EPS8: variants seen among roughly 807,000 people sequenced by gnomAD.
The protein encoded by EPS8 is epidermal growth factor receptor kinase substrate 8.
A neutral mutation model predicts 103.8 loss-of-function variants in EPS8; 42 were observed. The ratio of observed to expected loss-of-function variants is 0.40; its 90% confidence interval spans 0.32 to 0.52. The LOEUF (loss-of-function observed/expected upper bound fraction) is 0.52. EPS8 is among the 20% of genes least tolerant of loss of function. The probability of loss-of-function intolerance (pLI) is 0.40; values close to 1 mark genes in which losing one functional copy is unlikely to be tolerated. For missense variants in EPS8, 969 were observed against 1,005.1 expected (o/e 0.96, Z 0.49); for synonymous variants, 344 against 344.6 (o/e 1.00, Z 0.02).
chr12:15,650,245 G>A (rs1945388501), intron 14 of EPS8, among the ~76,000 whole-genome samples: 1 of 152,192 alleles, frequency 6.6e-6, no homozygotes, highest in Admixed American at 6.5e-5. Flanking sequence ...GAGTGCAGAA[G>A]AACTTGGGCC....
intron 14 of EPS8, 39 bp from the exon 15 acceptor site, chr12:15,647,299 T>C (rs1945337012): frequency 1.3e-6 from 2 of 1,585,530 alleles, no homozygotes; most frequent in South Asian, 1.2e-5. Flanking sequence ...AATCACCAAA[T>C]ACTATTTGAA....
chr12:15,643,460 C>T (rs1008371301), intron 15 of EPS8, among the ~76,000 whole-genome samples: 3 of 152,100 alleles, frequency 2.0e-5, no homozygotes, highest in African/African-American at 7.2e-5. Context: ...ACTTTCTTGG[C>T]CAGGCGTGGT....
chr12:15,770,413 C>T (rs945525646), intron 1 of EPS8, among the ~76,000 whole-genome samples: 12 of 151,712 alleles, frequency 7.9e-5, no homozygotes, highest in Admixed American at 3.3e-4. Flanking sequence ...TGTGCTAAAG[C>T]GTGTTTTTGT....
intron 10 of EPS8, 40 bp from the exon 11 acceptor site, chr12:15,658,625 CAAGGA>C (rs1221613572): frequency 1.5e-6 from 2 of 1,334,304 alleles, no homozygotes; most frequent in South Asian, 1.2e-5. Flanking sequence ...GAGCAAAATC[CAAGGA>C]AATTTATTAA....
intron 8 of EPS8, among the ~76,000 whole-genome samples, chr12:15,664,473 G>A (rs1379093749): frequency 6.6e-6 from 1 of 152,064 alleles, no homozygotes; most frequent in Non-Finnish European, 1.5e-5. Context: ...TTTGTAGTAG[G>A]TACTACCATA....
At chr12:15,694,210 G>A (rs991158948) in intron 1 of EPS8, among the ~76,000 whole-genome samples, 2 of 151,952 alleles carry the variant, frequency 1.3e-5, no homozygotes, top group African/African-American at 4.8e-5. Flanking sequence ...AGGTTCAGGT[G>A]GACTATGAAA....
chr12:15,641,699 T>C lies in EPS8; in HGVS notation c.1677+23A>G, dbSNP rs760949767. 7.8e-6 allele frequency: 10 copies of C among 1,277,904 alleles called. No individual in the cohort carries two copies. The South Asian group carries it at 1.2e-4, about 16-fold the overall frequency. 79.2% of individuals were successfully genotyped at this position (1,277,904 alleles called of 1,614,324 possible). ...CAATAAAACTACTTTATTAAGAGTA[T>C]AAAAAAGAAAAAATTATATTACCTC... is the stretch of plus-strand genomic sequence containing the variant. On this transcript the variant is annotated intron_variant, in intron 16 of 20. Transcript: ENST00000281172.
intron 17 of EPS8, among the ~76,000 whole-genome samples, chr12:15,638,323 G>C (rs1261998428): frequency 1.3e-5 from 2 of 152,046 alleles, no homozygotes; most frequent in South Asian, 2.1e-4. Flanking sequence ...AATCCTTTTA[G>C]AGTAGGATTT....
rs569488967 is a variant in EPS8, at chr12:15,644,886, T to A, written c.1568+2241A>T. Among the ~76,000 whole-genome samples the A allele has an allele frequency of 4.4e-4, 67 of 152,202 alleles. 1 individual carries two copies. The East Asian group carries it at 8.3e-3, about 19-fold the overall frequency. ...CAGTTTTTCAAAATGATGACAAATG[T>A]TCTTAGCAACATAGAACATCAATGA... On this transcript the variant is annotated intron_variant, in intron 15 of 20. Transcript: ENST00000281172.
chr12:15,775,642 T>A (rs1947200238), intron 1 of EPS8, among the ~76,000 whole-genome samples: 1 of 152,138 alleles, frequency 6.6e-6, no homozygotes, highest in African/African-American at 2.4e-5. Flanking sequence ...TTTTCCAGAT[T>A]TTTGAGCCCT....
intron 1 of EPS8, among the ~76,000 whole-genome samples, chr12:15,712,617 C>A (rs1321660170): frequency 3.3e-5 from 5 of 152,096 alleles, no homozygotes; most frequent in African/African-American, 4.8e-5. Flanking sequence ...TGAATCTCCA[C>A]CTCTGTAAGC....
At chr12:15,657,041 C>G (rs2135804219) in intron 12 of EPS8, among the ~76,000 whole-genome samples, 1 of 152,264 alleles carries the variant, frequency 6.6e-6, no homozygotes, top group Admixed American at 6.5e-5. Flanking sequence ...CAGGGCAATC[C>G]TTTTCTGCTG....
At chr12:15,657,689 T>C (rs1945532240) in intron 12 of EPS8, among the ~76,000 whole-genome samples, 1 of 152,200 alleles carries the variant, frequency 6.6e-6, no homozygotes, top group East Asian at 1.9e-4. Context: ...GGTCTCTGAA[T>C]GACTTCATGG....
At position 15,784,112 on chromosome 12, in the gene EPS8, A is replaced by G. The variant is rs1336642771; in HGVS notation, c.-22+5049T>C. Among the ~76,000 whole-genome samples, 3 of 152,312 alleles carry G rather than the reference A, an allele frequency of 2.0e-5. No individual in the cohort carries two copies. The highest frequency in any genetic ancestry group is 1.9e-4 in the East Asian group (1 of 5,188). On this transcript the variant is annotated intron_variant, in intron 1 of 20. Coordinates refer to ENST00000281172, the MANE Select transcript of EPS8 (RefSeq NM_004447.6). This position sits in a 1 kb window ranked among gnomAD's most constrained non-coding sequence, Gnocchi z 4.0. The stretch of plus-strand genomic sequence containing the variant: ...TAGCCTTGGCAATGAGTTTTCAAAT[A>G]TAACACAAAAGCCTATCCATGAAAT...
intron 1 of EPS8, among the ~76,000 whole-genome samples, chr12:15,744,795 T>A (rs1946859085): frequency 6.6e-6 from 1 of 152,234 alleles, no homozygotes; most frequent in Non-Finnish European, 1.5e-5. Flanking sequence ...CAAGTAGTTA[T>A]GGATAACGTT....
chr12:15,679,254 G>A (rs1229349501), intron 3 of EPS8, among the ~76,000 whole-genome samples: 1 of 152,072 alleles, frequency 6.6e-6, no homozygotes, highest in African/African-American at 2.4e-5. Flanking sequence ...TTACTATCCT[G>A]AGTAAAAAAC....
intron 18 of EPS8, among the ~76,000 whole-genome samples, chr12:15,625,404 A>T (rs1036479843): frequency 1.3e-5 from 2 of 152,252 alleles, no homozygotes; most frequent in African/African-American, 4.8e-5. Flanking sequence ...TTACCTTTAA[A>T]CAAGTCCTTT....
At chr12:15,642,529 T>G (rs936511212) in intron 15 of EPS8, among the ~76,000 whole-genome samples, 1 of 152,144 alleles carries the variant, frequency 6.6e-6, no homozygotes, top group Non-Finnish European at 1.5e-5. Context: ...ACTAATAGAT[T>G]TAACAACTTA....
chr12:15,648,178 G>C (rs1945353421), intron 14 of EPS8, among the ~76,000 whole-genome samples: 2 of 152,162 alleles, frequency 1.3e-5, no homozygotes, highest in Admixed American at 1.3e-4. Context: ...CAGGAACTGG[G>C]GACCCCTGCT....
Sources: allele counts gnomAD v4.1 joint callset (sites outside exome capture counted in the v4.1 genomes callset), GRCh38; gene constraint gnomAD v4.1.1; non-coding constraint Gnocchi (gnomAD v3.1); transcripts MANE v1.5; gene names NCBI Gene and HGNC (gene_info 2026-07-23, HGNC 2026-07-21).